Variants in DAAM1 observed in about 807,000 individuals in gnomAD.
The protein encoded by DAAM1 is disheveled-associated activator of morphogenesis 1.
A neutral mutation model predicts 130.0 loss-of-function variants in DAAM1; 52 were observed. That is an observed-to-expected ratio of 0.40 (90% CI 0.32 to 0.50). The LOEUF (loss-of-function observed/expected upper bound fraction) is 0.50. Among genes scored for constraint, DAAM1 ranks in the 20% least tolerant of loss-of-function variants. DAAM1 has a pLI of 0.61. For missense variants in DAAM1, 1,134 were observed against 1,303.8 expected (o/e 0.87, Z 2.01); for synonymous variants, 452 against 444.5 (o/e 1.02, Z -0.21).
At chr14:59,208,853 A>C (rs1888344732) in intron 1 of DAAM1, among the ~76,000 whole-genome samples, 1 of 151,994 alleles carries the variant, frequency 6.6e-6, no homozygotes, top group East Asian at 1.9e-4. Flanking sequence ...TGGTTGTTTA[A>C]AAGAGTTTAG....
chr14:59,326,571 A>G lies in DAAM1; in HGVS notation c.1236A>G (p.Ile412Met). ...WLLLDRIIQQ[I>M]VIQNDKGQDP... ...TACTAGATAGAATTATACAGCAGAT[A>G]GTTATCCAGAATGACAAAGGACAGG... Residue 412 changes from isoleucine to methionine, a missense_variant, in exon 11 of 25, where the codon ATA (isoleucine) becomes ATG (methionine). Transcript: ENST00000360909. 6.2e-7 allele frequency: 1 copy of G among 1,614,010 alleles called. No homozygotes were observed. The highest frequency in any genetic ancestry group is 8.5e-7 in the Non-Finnish European group (1 of 1,179,960).
At chr14:59,224,662 T>C (rs558120182) in intron 1 of DAAM1, among the ~76,000 whole-genome samples, 2 of 152,352 alleles carry the variant, frequency 1.3e-5, no homozygotes, top group South Asian at 4.1e-4. Context: ...CTTTTGGGGC[T>C]ATTGAGGTGG....
intron 8 of DAAM1, 124 bp from the exon 9 acceptor site, chr14:59,325,540 A>T: frequency 1.2e-6 from 1 of 808,060 alleles, no homozygotes; most frequent in Non-Finnish European, 1.9e-6. Flanking sequence ...AAATTTTGTT[A>T]CATTGTTCCT....
intron 12 of DAAM1, among the ~76,000 whole-genome samples, chr14:59,328,809 C>T (rs1566706326): frequency 6.6e-6 from 1 of 152,140 alleles, no homozygotes; most frequent in African/African-American, 2.4e-5. Context: ...GTGGGAGGAA[C>T]AGGTTGTTTT....
At position 59,367,474 on chromosome 14, in the gene DAAM1, C is replaced by A. The variant is rs758495018; in HGVS notation, c.2872C>A (p.Gln958Lys). ...KHFGEEAGKI[Q>K]PDEFFGIFDQ... is the part of the protein sequence containing the mutation. ...CTTTGGGGAAGAGGCTGGCAAAATACAACCAGATGAGTTCTTTGGCATTTT... is the reference window on the plus strand; with the variant it reads ...CTTTGGGGAAGAGGCTGGCAAAATAAAACCAGATGAGTTCTTTGGCATTTT... The change falls in exon 24 of 25, where the codon CAA becomes AAA. Residue 958 changes from glutamine (Q) to lysine (K), a missense_variant. Transcript: ENST00000360909. 5 of 1,613,570 alleles carry A rather than the reference C, an allele frequency of 3.1e-6. No individual in the cohort carries two copies. Among genetic ancestry groups the A allele is most frequent in the Middle Eastern group, 1.6e-4 (1 of 6,062 alleles).
chr14:59,358,925 A>C (rs1395653473), intron 20 of DAAM1, among the ~76,000 whole-genome samples: 1 of 151,952 alleles, frequency 6.6e-6, no homozygotes, highest in Non-Finnish European at 1.5e-5. Context: ...TTTCGGTGGA[A>C]TAAACATCCC....
At chr14:59,328,764 G>A (rs985755985) in intron 12 of DAAM1, among the ~76,000 whole-genome samples, 20 of 152,208 alleles carry the variant, frequency 1.3e-4, no homozygotes, top group African/African-American at 4.6e-4. Context: ...GGATTTAGGT[G>A]GCTGAGATGG....
At chr14:59,291,582 C>G in intron 3 of DAAM1, 1 of 373,952 alleles carries the variant, frequency 2.7e-6, no homozygotes, top group Non-Finnish European at 4.9e-6. Flanking sequence ...CAAATTCCCC[C>G]CAACCCTGCG....
rs1884962677 is a variant in DAAM1 at position 59,320,474 on chromosome 14, T to C, written c.346-16T>C. ...AAATAGAATTTGAAGAAGTAACTTC[T>C]GTTTTCTTTGCATAGAGAAAATCTC... On this transcript the variant is annotated splice_polypyrimidine_tract_variant and intron_variant, in intron 4 of 24. Transcript: ENST00000360909. The C allele has an allele frequency of 6.3e-7, 1 of 1,583,910 alleles. No individual in the cohort carries two copies. The highest frequency in any genetic ancestry group is 8.6e-7 in the Non-Finnish European group (1 of 1,167,778).
At position 59,277,921 on chromosome 14, in the gene DAAM1, C is replaced by T. The variant is rs552511925; in HGVS notation, c.184-13296C>T. On this transcript the variant is annotated intron_variant, in intron 2 of 24. Coordinates refer to ENST00000360909, the MANE Select transcript of DAAM1 (RefSeq NM_001270520.2). Reference sequence around the variant, plus strand: ...CAGGGGATATGGCCCATCTAAAACCCTCCCCTCCCCTGTGGATGCCTGAAA... The same window carrying T: ...CAGGGGATATGGCCCATCTAAAACCTTCCCCTCCCCTGTGGATGCCTGAAA... 4.3e-3 allele frequency among the ~76,000 whole-genome samples: 650 copies of T among 152,230 alleles called. 5 individuals carry two copies. Among genetic ancestry groups the T allele is most frequent in the African/African-American group, 0.014 (587 of 41,536 alleles).
intron 15 of DAAM1, among the ~76,000 whole-genome samples, chr14:59,333,419 G>C (rs1885515619): frequency 6.6e-6 from 1 of 152,244 alleles, no homozygotes; most frequent in Admixed American, 6.5e-5. Flanking sequence ...AAGGACAAAA[G>C]TTGTCTTTAG....
chr14:59,366,669 G>C (rs1383422310), intron 23 of DAAM1, among the ~76,000 whole-genome samples: 3 of 152,186 alleles, frequency 2.0e-5, no homozygotes, highest in Non-Finnish European at 4.4e-5. Flanking sequence ...CAAAAGCTGA[G>C]GAGTATTACA....
chr14:59,362,019 C>CTTT (rs35080349), intron 22 of DAAM1, among the ~76,000 whole-genome samples: 11 of 121,716 alleles, frequency 9.0e-5, no homozygotes, highest in African/African-American at 2.2e-4. Flanking sequence ...GGTTTTTTTC[C>CTTT]TTTTTTTTTT....
intron 24 of DAAM1, among the ~76,000 whole-genome samples, chr14:59,368,230 G>T (rs1206730924): frequency 2.0e-5 from 3 of 152,064 alleles, no homozygotes; most frequent in Non-Finnish European, 2.9e-5. Flanking sequence ...TTGTGTATCA[G>T]GTTTCAGGCT....
intron 13 of DAAM1, 125 bp from the exon 14 acceptor site, chr14:59,331,084 T>G: frequency 2.0e-6 from 3 of 1,474,504 alleles, no homozygotes; most frequent in Non-Finnish European, 2.7e-6. Context: ...TACCGATCCT[T>G]TAAACATTCT....
At chr14:59,189,815 T>A (rs1461314775) in intron 1 of DAAM1, among the ~76,000 whole-genome samples, 1 of 152,172 alleles carries the variant, frequency 6.6e-6, no homozygotes, top group Non-Finnish European at 1.5e-5. Flanking sequence ...CAAACCCTGC[T>A]AAGGTCTCAA....
In DAAM1 at chr14:59,347,605, C is replaced by G. The variant is rs1302539909; in HGVS notation, c.2142C>G (p.Pro714=). 1 of 1,613,736 alleles carries G rather than the reference C, an allele frequency of 6.2e-7. No homozygotes were observed. The highest frequency in any genetic ancestry group is 1.7e-5 in the Admixed American group (1 of 60,000). Residue 714 remains proline (P), a synonymous_variant, in exon 17 of 25, where the codon CCC becomes CCG. Coordinates refer to ENST00000360909, the MANE Select transcript of DAAM1 (RefSeq NM_001270520.2). Reference sequence around the variant, plus strand: ...CAATGGACGAACAGGAAGATCTGCCCAAGGACATGTTGGAACAGGTGAGCT... The same window carrying G: ...CAATGGACGAACAGGAAGATCTGCCGAAGGACATGTTGGAACAGGTGAGCT... ...ILTMDEQEDL[P]KDMLEQLLKF... is the part of the protein sequence containing the mutation.
intron 2 of DAAM1, among the ~76,000 whole-genome samples, chr14:59,283,069 C>T (rs767324820): frequency 1.8e-4 from 28 of 152,116 alleles, no homozygotes; most frequent in Non-Finnish European, 3.1e-4. Context: ...CATATTAAAA[C>T]CCTTTGCTTT....
chr14:59,271,090 A>G (rs1039459848), intron 2 of DAAM1, among the ~76,000 whole-genome samples: 5 of 152,192 alleles, frequency 3.3e-5, no homozygotes, highest in Non-Finnish European at 7.3e-5. Flanking sequence ...TAAGCCTGAA[A>G]TGTTTCCAAT....
Sources: gnomAD v4.1 joint callset for allele counts (sites outside exome capture counted in the v4.1 genomes callset) on GRCh38, gnomAD v4.1.1 for gene constraint, MANE v1.5 for transcripts, NCBI Gene and HGNC (gene_info 2026-07-23, HGNC 2026-07-21) for gene names.